GATA4: variants seen among roughly 807,000 people sequenced by gnomAD.
The protein encoded by GATA4 is transcription factor GATA-4.
In GATA4, 7 loss-of-function variants were observed where a neutral mutation model predicts 37.9. The ratio of observed to expected loss-of-function variants is 0.18; its 90% CI spans 0.11 to 0.35. The LOEUF (loss-of-function observed/expected upper bound fraction) is 0.35. GATA4 is among the 10% of genes least tolerant of loss of function. The probability of loss-of-function intolerance (pLI) is 1.00; values close to 1 mark genes in which losing one functional copy is unlikely to be tolerated. For synonymous variants in GATA4, 372 were observed against 292.6 expected (o/e 1.27, Z -2.77); for missense variants, 647 against 653.0 (o/e 0.99, Z 0.10).
At chr8:11,721,001 C>G (rs1800648980) in intron 2 of GATA4, among the ~76,000 whole-genome samples, 1 of 152,040 alleles carries the variant, frequency 6.6e-6, no homozygotes, top group South Asian at 2.1e-4. Context: ...ATACTTCTCC[C>G]CATTCCCTGT....
chr8:11,681,411 C>A (rs955229175), intron 1 of GATA4: 5 of 984,152 alleles, frequency 5.1e-6, no homozygotes, highest in Non-Finnish European at 6.0e-6. Flanking sequence ...TCACGCGTGG[C>A]TCAACTCGGG....
At chr8:11,727,937 A>G (rs895602454) in intron 2 of GATA4, among the ~76,000 whole-genome samples, 1 of 152,220 alleles carries the variant, frequency 6.6e-6, no homozygotes, top group South Asian at 2.1e-4. Flanking sequence ...AATATTATTC[A>G]TAAAGCATAG....
At chr8:11,755,198 A>T in intron 5 of GATA4, 65 bp downstream of exon 5, 1 of 1,366,098 alleles carries the variant, frequency 7.3e-7, no homozygotes, top group Non-Finnish European at 1.0e-6. Flanking sequence ...CCTAAGAATC[A>T]TATCTTCCGG....
intron 6 of GATA4, 122 bp downstream of exon 6, chr8:11,757,205 C>T (rs965484808): frequency 1.4e-6 from 2 of 1,422,656 alleles, no homozygotes; most frequent in African/African-American, 2.8e-5. Context: ...CAGTGAGCTA[C>T]CCTCTGCGCT....
chr8:11,685,840 T>A (rs1012060776), intron 1 of GATA4, among the ~76,000 whole-genome samples: 1 of 152,194 alleles, frequency 6.6e-6, no homozygotes, highest in African/African-American at 2.4e-5. Context: ...TGATGGGGGA[T>A]GCTGCAAATA....
In GATA4 at chr8:11,708,480, C is replaced by T. The variant is rs1800000510; in HGVS notation, c.168C>T (p.Gly56=). 2.0e-6 allele frequency: 3 copies of T among 1,507,968 alleles called. No homozygotes were observed. The highest frequency in any genetic ancestry group is 2.1e-5 in the Admixed American group (1 of 48,060). 93.4% of individuals were successfully genotyped at this position (1,507,968 alleles called of 1,614,324 possible). ...TGCTGGGCCTGTCCTACCTCCAGGGCGGAGGCGCGGGCTCTGCGTCCGGAG... is the reference window on the plus strand; with the variant it reads ...TGCTGGGCCTGTCCTACCTCCAGGGTGGAGGCGCGGGCTCTGCGTCCGGAG... ...SSVLGLSYLQ[G]GGAGSASGGA... The change falls in exon 2 of 7, where the codon GGC becomes GGT. Residue 56 remains glycine, a synonymous_variant. Transcript: ENST00000532059. The surrounding 1 kb of genome is among the most constrained non-coding windows in gnomAD (Gnocchi z 6.7).
intron 2 of GATA4, among the ~76,000 whole-genome samples, chr8:11,746,511 G>A (rs1336705626): frequency 1.3e-5 from 2 of 152,234 alleles, no homozygotes; most frequent in African/African-American, 4.8e-5. Flanking sequence ...AGATGGTAGC[G>A]CCACCCAGTG....
At chr8:11,692,478 G>C, upstream of GATA4, 1 of 978,596 alleles carries the variant, frequency 1.0e-6, no homozygotes, top group Non-Finnish European at 1.2e-6. Flanking sequence ...CCGGTGTCCT[G>C]AATTTTCTCC....
chr8:11,729,333 G>T (rs1018825496), intron 2 of GATA4, among the ~76,000 whole-genome samples: 3 of 152,170 alleles, frequency 2.0e-5, no homozygotes, highest in African/African-American at 7.2e-5. Flanking sequence ...ACTTTGGGAG[G>T]CCAGGGTGAA....
At chr8:11,727,211 T>A (rs145712838) in intron 2 of GATA4, among the ~76,000 whole-genome samples, 1 of 152,330 alleles carries the variant, frequency 6.6e-6, no homozygotes, top group East Asian at 1.9e-4. Context: ...AAGACACTTT[T>A]CTTCGGGGAA....
At chr8:11,756,795 C>A in intron 5 of GATA4, 140 bp from the exon 6 acceptor site, 1 of 1,119,472 alleles carries the variant, frequency 8.9e-7, no homozygotes, top group Non-Finnish European at 1.4e-6. Context: ...TAGCCCTCCG[C>A]AGATAAGGAC....
At chr8:11,715,376 C>A (rs984971804) in intron 2 of GATA4, among the ~76,000 whole-genome samples, 4 of 152,156 alleles carry the variant, frequency 2.6e-5, no homozygotes, top group African/African-American at 9.7e-5. Context: ...ATACTCATTT[C>A]TGTGCCTTAT....
chr8:11,715,529 G>C (rs572688147), intron 2 of GATA4, among the ~76,000 whole-genome samples: 1 of 152,184 alleles, frequency 6.6e-6, no homozygotes, highest in African/African-American at 2.4e-5. Flanking sequence ...CGGGCGGATC[G>C]TGAGATCAGG....
At chr8:11,725,625 T>C (rs1800883677) in intron 2 of GATA4, among the ~76,000 whole-genome samples, 1 of 152,176 alleles carries the variant, frequency 6.6e-6, no homozygotes, top group Non-Finnish European at 1.5e-5. Context: ...ATGGCCAAGG[T>C]TCGTGAAACT....
chr8:11,692,593 C>T (rs376094171), upstream of GATA4: 109 of 985,358 alleles, frequency 1.1e-4, no homozygotes, highest in East Asian at 5.5e-3. Context: ...GGCGTGGCCC[C>T]CGCGCTGGGG....
chr8:11,732,735 G>C (rs910025444), intron 2 of GATA4, among the ~76,000 whole-genome samples: 10 of 152,112 alleles, frequency 6.6e-5, no homozygotes, highest in Non-Finnish European at 1.5e-4. Flanking sequence ...CAGAGTAAAG[G>C]TTTGCTTTCT....
At chr8:11,716,239 CAT>C (rs1018318378) in intron 2 of GATA4, among the ~76,000 whole-genome samples, 1 of 151,924 alleles carries the variant, frequency 6.6e-6, no homozygotes, top group African/African-American at 2.4e-5. Context: ...ATTTTAAAAA[CAT>C]ATTAAACTAA....
At chr8:11,719,204 C>A in intron 2 of GATA4, among the ~76,000 whole-genome samples, 1 of 142,636 alleles carries the variant, frequency 7.0e-6, no homozygotes, top group East Asian at 2.0e-4. Context: ...TGGGGGAGTC[C>A]TTTTTTTTTT....
chr8:11,681,148 G>C, intron 1 of GATA4: 4 of 985,404 alleles, frequency 4.1e-6, no homozygotes, highest in Non-Finnish European at 4.8e-6. Flanking sequence ...GGAATCTCCA[G>C]CTCCGTTCTG....
Sources: gnomAD v4.1 joint callset for allele counts (sites outside exome capture counted in the v4.1 genomes callset) on GRCh38, gnomAD v4.1.1 for gene constraint, Gnocchi (gnomAD v3.1) non-coding constraint, MANE v1.5 for transcripts, NCBI Gene and HGNC (gene_info 2026-07-23, HGNC 2026-07-21) for gene names.